C8A: variants seen among roughly 807,000 people sequenced by gnomAD.
The protein encoded by C8A is complement C8 alpha chain.
In C8A, 67 loss-of-function variants were observed where a neutral mutation model predicts 65.3. That is an observed-to-expected ratio of 1.03 (90% CI 0.84 to 1.26). The LOEUF is 1.26. C8A is among the 50% of genes most tolerant of loss of function. C8A has a pLI of 0.00. For missense variants in C8A, 781 were observed against 723.9 expected (o/e 1.08, Z -0.90); for synonymous variants, 290 against 259.4 (o/e 1.12, Z -1.13).
chr1:56,865,509 C>T (rs1213999434), intron 1 of C8A, among the ~76,000 whole-genome samples: 5 of 152,180 alleles, frequency 3.3e-5, no homozygotes, highest in African/African-American at 1.2e-4. Context: ...CTCCCAAAAG[C>T]CCCACTTCCT....
rs147281350 is a variant in C8A at position 56,908,069 on chromosome 1, T to G, written c.1336T>G (p.Trp446Gly). The G allele has an allele frequency of 9.3e-6, 15 of 1,614,156 alleles. No homozygotes were observed. Among genetic ancestry groups the G allele is most frequent in the South Asian group, 3.3e-5 (3 of 91,076 alleles). Reference protein sequence around the residue: ...QNRSTITYRSWGRSLKYNPVV... With the variant: ...QNRSTITYRSGGRSLKYNPVV... ...CAGGAGCACCATTACATACCGTTCC[T>G]GGGGGAGGTCATTAAAGTATAATCC... The change falls in exon 9 of 11, where the codon TGG becomes GGG. Residue 446 changes from tryptophan to glycine, a missense_variant. Transcript: ENST00000361249.
rs775967055 is a variant in C8A, at chr1:56,867,703, G to A, written c.171+1G>A. The A allele has an allele frequency of 1.2e-6, 2 of 1,612,210 alleles. No homozygotes were observed. Among genetic ancestry groups the A allele is most frequent in the Non-Finnish European group, 8.5e-7 (1 of 1,178,398 alleles). ...TTGCTTTCCGTGCCAGGACAAAAAG[G>A]TGAGACACTTACAACCGGTTTGGGG... On this transcript the variant is annotated splice_donor_variant, in intron 2 of 10. Transcript: ENST00000361249. LOFTEE classifies it high-confidence loss of function.
chr1:56,874,934 C>T lies in C8A; in HGVS notation c.172-15C>T, dbSNP rs1176753974. The T allele has an allele frequency of 6.2e-7, 1 of 1,613,224 alleles. No individual in the cohort carries two copies. ...TTGGTTGACAAGAATGTGTCTTGTT[C>T]AAAATCTGGTTTAGTACCGACACCG... On this transcript the variant is annotated splice_polypyrimidine_tract_variant and intron_variant, in intron 2 of 10. Coordinates refer to ENST00000361249, the MANE Select transcript of C8A (RefSeq NM_000562.3).
chr1:56,872,558 G>A (rs768611639), intron 2 of C8A, among the ~76,000 whole-genome samples: 26 of 152,078 alleles, frequency 1.7e-4, no homozygotes, highest in Non-Finnish European at 2.6e-4. Flanking sequence ...GTGGGAAAAA[G>A]GGTGAACAGT....
chr1:56,874,112 G>A (rs1348757042), intron 2 of C8A, among the ~76,000 whole-genome samples: 1 of 152,122 alleles, frequency 6.6e-6, no homozygotes, highest in Non-Finnish European at 1.5e-5. Flanking sequence ...TGCATAATAG[G>A]CAAGGCATCT....
At position 56,866,428 on chromosome 1, in the gene C8A, T is replaced by G. The variant is rs541794015; in HGVS notation, c.78-1181T>G. Among the ~76,000 whole-genome samples, 14 of 152,318 alleles carry G rather than the reference T, an allele frequency of 9.2e-5. No homozygotes were observed. The East Asian group carries it at 2.7e-3, about 29-fold the overall frequency. ...CGGAGTCTTTAGTAATTTGCTGAAA[T>G]GTAAAGGTATACTGAGACCAAAAGT... On this transcript the variant is annotated intron_variant, in intron 1 of 10. Transcript: ENST00000361249.
chr1:56,912,823 T>A (rs1464392327), intron 10 of C8A, among the ~76,000 whole-genome samples, 198 bp downstream of exon 10: 1 of 152,192 alleles, frequency 6.6e-6, no homozygotes, highest in Non-Finnish European at 1.5e-5. Context: ...AGACCTTTTC[T>A]CAGATGAGAA....
chr1:56,869,390 T>C (rs1211690115), intron 2 of C8A, among the ~76,000 whole-genome samples: 1 of 152,258 alleles, frequency 6.6e-6, no homozygotes, highest in Non-Finnish European at 1.5e-5. Flanking sequence ...ATGGTGTATA[T>C]GTACCACATT....
intron 3 of C8A, 38 bp from the exon 4 acceptor site, chr1:56,876,023 AG>A: frequency 3.1e-6 from 5 of 1,606,994 alleles, no homozygotes. Flanking sequence ...CTGGAGGGAG[AG>A]GGGAACCCGA....
chr1:56,873,413 G>A (rs1644166309), intron 2 of C8A, among the ~76,000 whole-genome samples: 1 of 152,180 alleles, frequency 6.6e-6, no homozygotes, highest in Non-Finnish European at 1.5e-5. Flanking sequence ...GAAAAGGGAA[G>A]TGGCTTGCTC....
intron 2 of C8A, among the ~76,000 whole-genome samples, chr1:56,872,087 T>A (rs78129524): frequency 0.027 from 4,121 of 152,264 alleles, 81 homozygotes; most frequent in Non-Finnish European, 0.039. Context: ...TTTGCCCTTT[T>A]GTCAAAGAAG....
At chr1:56,915,762 GA>G (rs1644545653) in intron 10 of C8A, among the ~76,000 whole-genome samples, 1 of 152,210 alleles carries the variant, frequency 6.6e-6, no homozygotes. Context: ...GGGAATGAAA[GA>G]GACAGGATTT....
chr1:56,898,933 A>G (rs936461297), intron 7 of C8A, among the ~76,000 whole-genome samples: 1 of 152,172 alleles, frequency 6.6e-6, no homozygotes, highest in African/African-American at 2.4e-5. Flanking sequence ...AAAAGGTCCT[A>G]TGTTCATGGC....
chr1:56,910,832 G>T (rs1343848515), intron 9 of C8A, among the ~76,000 whole-genome samples: 1 of 152,258 alleles, frequency 6.6e-6, no homozygotes, highest in East Asian at 1.9e-4. Flanking sequence ...CTGTTTCCAG[G>T]GAAGTGCGAC....
At chr1:56,909,310 A>C (rs991456801) in intron 9 of C8A, among the ~76,000 whole-genome samples, 1 of 152,232 alleles carries the variant, frequency 6.6e-6, no homozygotes, top group Non-Finnish European at 1.5e-5. Context: ...AAAATCCCAG[A>C]TATGGATATA....
At chr1:56,906,347 G>A (rs1372624514) in intron 7 of C8A, among the ~76,000 whole-genome samples, 1 of 152,244 alleles carries the variant, frequency 6.6e-6, no homozygotes, top group South Asian at 2.1e-4. Flanking sequence ...CGGGCACTGA[G>A]GTAGGCATGG....
At chr1:56,897,449 A>G (rs1020714385) in intron 7 of C8A, among the ~76,000 whole-genome samples, 9 of 152,188 alleles carry the variant, frequency 5.9e-5, no homozygotes, top group Non-Finnish European at 1.2e-4. Flanking sequence ...TGAGTTGAAG[A>G]TTGGAACACA....
chr1:56,908,950 A>G (rs1028688795), intron 9 of C8A, among the ~76,000 whole-genome samples: 1 of 152,116 alleles, frequency 6.6e-6, no homozygotes, highest in African/African-American at 2.4e-5. Context: ...TATTTTTGTC[A>G]CCACCCACAG....
intron 2 of C8A, among the ~76,000 whole-genome samples, chr1:56,867,969 G>A (rs1477964228): frequency 2.6e-5 from 4 of 152,100 alleles, no homozygotes; most frequent in African/African-American, 9.7e-5. Context: ...GGGCACGTTT[G>A]TTTCTCTCTG....
Sources: gnomAD v4.1 joint callset for allele counts (sites outside exome capture counted in the v4.1 genomes callset) on GRCh38, gnomAD v4.1.1 for gene constraint, MANE v1.5 for transcripts, NCBI Gene and HGNC (gene_info 2026-07-23, HGNC 2026-07-21) for gene names.